Variants in RAB11FIP4 observed in about 807,000 individuals in gnomAD.
The protein encoded by RAB11FIP4 is rab11 family-interacting protein 4.
A neutral mutation model predicts 74.3 loss-of-function variants in RAB11FIP4; 23 were observed. The observed-to-expected ratio is 0.31, with a 90% CI of 0.22 to 0.44. The LOEUF (loss-of-function observed/expected upper bound fraction) is 0.44. RAB11FIP4 is among the 20% of genes least tolerant of loss of function. The pLI is 1.00. For synonymous variants in RAB11FIP4, 360 were observed against 359.9 expected, an observed-to-expected ratio of 1.00 and a Z score of 0.00; for missense variants, 630 against 863.9, an observed-to-expected ratio of 0.73 and a Z score of 3.39.
At chr17:31,509,952 T>G (rs1428447057) in intron 3 of RAB11FIP4, among the ~76,000 whole-genome samples, 3 of 152,188 alleles carry the variant, frequency 2.0e-5, no homozygotes, top group African/African-American at 7.2e-5. Flanking sequence ...AACCAAAACC[T>G]CTTATCAGCA....
At chr17:31,531,259 TC>T (rs1431247026) in intron 14 of RAB11FIP4, 1 of 203,162 alleles carries the variant, frequency 4.9e-6, no homozygotes, top group Non-Finnish European at 1.0e-5. Flanking sequence ...AGGAGACAGC[TC>T]CCCTTTGGAG....
At chr17:31,443,059 C>G (rs1309178325) in intron 3 of RAB11FIP4, among the ~76,000 whole-genome samples, 1 of 152,146 alleles carries the variant, frequency 6.6e-6, no homozygotes, top group Non-Finnish European at 1.5e-5. Flanking sequence ...CGTCAGATTC[C>G]TGCTACCCTT....
intron 3 of RAB11FIP4, among the ~76,000 whole-genome samples, chr17:31,454,585 C>T (rs746528356): frequency 5.9e-5 from 9 of 151,320 alleles, no homozygotes; most frequent in Non-Finnish European, 8.8e-5. Context: ...AAGTCTGATT[C>T]TTAAGATGGA....
chr17:31,429,496 C>T (rs1022051994), intron 1 of RAB11FIP4, among the ~76,000 whole-genome samples: 1 of 152,160 alleles, frequency 6.6e-6, no homozygotes, highest in Admixed American at 6.5e-5. Context: ...CAATGAGCTG[C>T]CTCTGAAAAC....
At chr17:31,514,650 G>A (rs912769701) in intron 3 of RAB11FIP4, among the ~76,000 whole-genome samples, 1 of 152,216 alleles carries the variant, frequency 6.6e-6, no homozygotes, top group Non-Finnish European at 1.5e-5. Context: ...GGGAACTCTC[G>A]CTACCCGTGT....
At chr17:31,454,777 G>A (rs1368522833) in intron 3 of RAB11FIP4, among the ~76,000 whole-genome samples, 2 of 152,082 alleles carry the variant, frequency 1.3e-5, no homozygotes, top group East Asian at 1.9e-4. Flanking sequence ...CCAGCTACTC[G>A]GGTGGCTGAG....
chr17:31,448,242 CCTTTT>C (rs1172244068), intron 3 of RAB11FIP4, among the ~76,000 whole-genome samples: 2 of 151,580 alleles, frequency 1.3e-5, no homozygotes, highest in Admixed American at 6.6e-5. Context: ...ATTTTGTTTT[CCTTTT>C]CTTTTTTTTA....
At chr17:31,527,508 C>T (rs1283329014) in intron 10 of RAB11FIP4, 7 of 234,990 alleles carry the variant, frequency 3.0e-5, no homozygotes, top group South Asian at 1.9e-4. Context: ...GGCTGAGGCA[C>T]GAGAATTGCT....
intron 3 of RAB11FIP4, among the ~76,000 whole-genome samples, chr17:31,453,225 C>T (rs904118074): frequency 1.3e-5 from 2 of 151,762 alleles, no homozygotes; most frequent in African/African-American, 4.8e-5. Flanking sequence ...GTGGCGTGTG[C>T]CTGTAGTCCC....
In RAB11FIP4 at chr17:31,536,218, G is replaced by T. The variant is rs1406137232; in HGVS notation, c.*4486G>T. 1 of 152,190 alleles carries T rather than the reference G, an allele frequency of 6.6e-6. No homozygotes were observed. The highest frequency in any genetic ancestry group is 1.5e-5 in the Non-Finnish European group (1 of 68,102). The allele number at this position is 152,190 out of a possible 1,614,324, so 9.4% of individuals were successfully genotyped here. A position where few individuals can be genotyped will look rare whatever the true frequency, so the allele number is the denominator to read the frequency against. Reference sequence around the variant, plus strand: ...AAACTTAAAAACTAACTCTAGGCCGGGCACGGTGGCTCACACCTGTAATCC... The same window carrying T: ...AAACTTAAAAACTAACTCTAGGCCGTGCACGGTGGCTCACACCTGTAATCC... On this transcript the variant is annotated 3_prime_UTR_variant, in exon 15 of 15. Coordinates refer to ENST00000621161, the MANE Select transcript of RAB11FIP4 (RefSeq NM_032932.6).
intron 1 of RAB11FIP4, among the ~76,000 whole-genome samples, chr17:31,417,163 T>C (rs1413282281): frequency 6.6e-6 from 1 of 152,018 alleles, no homozygotes; most frequent in Admixed American, 6.5e-5. Context: ...ACCCTGCAAC[T>C]GGTCCTGGGA....
At chr17:31,407,698 G>A (rs2071055876) in intron 1 of RAB11FIP4, among the ~76,000 whole-genome samples, 1 of 152,130 alleles carries the variant, frequency 6.6e-6, no homozygotes, top group South Asian at 2.1e-4. Context: ...AGGGACAGGT[G>A]GTGGTGTGTC....
chr17:31,479,121 C>T (rs181562628), intron 3 of RAB11FIP4, among the ~76,000 whole-genome samples: 1 of 152,320 alleles, frequency 6.6e-6, no homozygotes, highest in African/African-American at 2.4e-5. Flanking sequence ...GTAACATCTA[C>T]TCTACAAGAT....
intron 3 of RAB11FIP4, among the ~76,000 whole-genome samples, chr17:31,487,815 C>T (rs2071924812): frequency 6.6e-6 from 1 of 151,998 alleles, no homozygotes; most frequent in Non-Finnish European, 1.5e-5. Context: ...GAGCTGGGCG[C>T]GCCCAGGCGA....
chr17:31,431,015 A>G (rs566449044), intron 1 of RAB11FIP4, among the ~76,000 whole-genome samples: 1 of 152,230 alleles, frequency 6.6e-6, no homozygotes, highest in East Asian at 1.9e-4. Context: ...GGCAAAAAGA[A>G]AGTCAAGGAT....
rs114494545 is a variant in RAB11FIP4, at chr17:31,510,319, G to A, written c.337-7332G>A. ...CATCACAGGCCTAGCCCTGGCAACC[G>A]CTGGACTCCCCTACACTAGGCTTAG... On this transcript the variant is annotated intron_variant, in intron 3 of 14. Coordinates refer to ENST00000621161, the MANE Select transcript of RAB11FIP4 (RefSeq NM_032932.6). 4.1e-3 allele frequency among the ~76,000 whole-genome samples: 624 copies of A among 152,338 alleles called. 4 individuals are homozygous for A. The highest frequency in any genetic ancestry group is 0.014 in the African/African-American group (580 of 41,582).
At chr17:31,513,630 A>G (rs2072492967) in intron 3 of RAB11FIP4, among the ~76,000 whole-genome samples, 1 of 152,264 alleles carries the variant, frequency 6.6e-6, no homozygotes, top group South Asian at 2.1e-4. Context: ...CAAGGCGTGC[A>G]GTAAACTGTC....
At chr17:31,433,627 G>C (rs1047520725) in intron 2 of RAB11FIP4, among the ~76,000 whole-genome samples, 25 of 152,364 alleles carry the variant, frequency 1.6e-4, no homozygotes, top group African/African-American at 5.3e-4. Context: ...GGACGTCCCA[G>C]GGTCTGCAGG....
chr17:31,516,537 T>G (rs1164634881), intron 3 of RAB11FIP4, among the ~76,000 whole-genome samples: 1 of 152,264 alleles, frequency 6.6e-6, no homozygotes, highest in Non-Finnish European at 1.5e-5. Context: ...TGGCGCTATC[T>G]TGGCTCACCG....
Sources: gnomAD v4.1 joint callset for allele counts (sites outside exome capture counted in the v4.1 genomes callset) on GRCh38, gnomAD v4.1.1 for gene constraint, MANE v1.5 for transcripts, NCBI Gene and HGNC (gene_info 2026-07-23, HGNC 2026-07-21) for gene names.